SH3RF1: variants seen among roughly 807,000 people sequenced by gnomAD.
SH3RF1 encodes the protein E3 ubiquitin-protein ligase SH3RF1.
A neutral mutation model predicts 74.0 loss-of-function variants in SH3RF1; 32 were observed. That is an observed-to-expected ratio of 0.43 (90% confidence interval 0.33 to 0.58). SH3RF1 has a LOEUF of 0.58. Among genes scored for constraint, SH3RF1 ranks in the 20% least tolerant of loss-of-function variants. The pLI, the probability that SH3RF1 is intolerant of heterozygous loss-of-function variation, is 0.05. For missense variants in SH3RF1, 954 were observed against 1,130.9 expected (o/e 0.84, Z 2.24); for synonymous variants, 396 against 439.6 (o/e 0.90, Z 1.24).
At chr4:169,262,488 G>A (rs1462367751) in intron 2 of SH3RF1, among the ~76,000 whole-genome samples, 2 of 152,226 alleles carry the variant, frequency 1.3e-5, no homozygotes, top group Middle Eastern at 3.4e-3. Flanking sequence ...CCAACATGGT[G>A]AAAACCCACC....
In SH3RF1 at chr4:169,116,125, T is replaced by C. The variant is rs1261466925; in HGVS notation, c.2139+144A>G. ...TCTTCCCCACTCTACTCCTAGCACC[T>C]GGCATAGTGACTCACACGTAGGGAG... is the stretch of plus-strand genomic sequence containing the variant. On this transcript the variant is annotated intron_variant, in intron 10 of 11. Transcript: ENST00000284637. The C allele has an allele frequency of 5.1e-6, 6 of 1,165,950 alleles. No individual in the cohort carries two copies. In the Admixed American group the frequency reaches 1.5e-4, roughly 29 times the overall value. 72.2% of individuals were successfully genotyped at this position (1,165,950 alleles called of 1,614,324 possible). A position where few individuals can be genotyped will look rare whatever the true frequency, so the allele number is the denominator to read the frequency against.
intron 2 of SH3RF1, among the ~76,000 whole-genome samples, chr4:169,195,116 T>C (rs1299858939): frequency 6.6e-6 from 1 of 152,234 alleles, no homozygotes; most frequent in Non-Finnish European, 1.5e-5. Flanking sequence ...TTTGTTGGTA[T>C]CAAAATTTTC....
chr4:169,208,122 C>A (rs1415354647), intron 2 of SH3RF1, among the ~76,000 whole-genome samples: 1 of 151,794 alleles, frequency 6.6e-6, no homozygotes, highest in African/African-American at 2.4e-5. Context: ...AAAGATTGAA[C>A]CCAGAATTGC....
At chr4:169,108,750 G>C (rs28601599) in intron 10 of SH3RF1, among the ~76,000 whole-genome samples, 30,547 of 152,182 alleles carry the variant, frequency 0.2, 3,234 homozygotes, top group African/African-American at 0.27. Context: ...GCATTCTAAT[G>C]AATGTCCTCA....
intron 4 of SH3RF1, among the ~76,000 whole-genome samples, chr4:169,143,020 G>T (rs964902806): frequency 1.3e-5 from 2 of 152,156 alleles, no homozygotes; most frequent in African/African-American, 4.8e-5. Context: ...GATTACTCAA[G>T]AGTCTTTTAA....
chr4:169,226,346 A>C (rs1478200234), intron 2 of SH3RF1, among the ~76,000 whole-genome samples: 1 of 152,246 alleles, frequency 6.6e-6, no homozygotes, highest in Non-Finnish European at 1.5e-5. Flanking sequence ...TTCATAAATC[A>C]AAAGCATTCT....
At chr4:169,256,047 C>T (rs1398876853) in intron 2 of SH3RF1, among the ~76,000 whole-genome samples, 4 of 152,142 alleles carry the variant, frequency 2.6e-5, no homozygotes, top group South Asian at 2.1e-4. Context: ...AGACTATAGG[C>T]GTGAGCCACC....
At chr4:169,213,085 T>A (rs1035259740) in intron 2 of SH3RF1, among the ~76,000 whole-genome samples, 1 of 152,212 alleles carries the variant, frequency 6.6e-6, no homozygotes, top group Non-Finnish European at 1.5e-5. Context: ...AGTAAGAGTA[T>A]GTTTCGTTTT....
chr4:169,121,148 A>C (rs902754373), intron 7 of SH3RF1, among the ~76,000 whole-genome samples, 159 bp from the exon 8 acceptor site: 2 of 152,212 alleles, frequency 1.3e-5, no homozygotes, highest in East Asian at 1.9e-4. Flanking sequence ...TCTCCATTGA[A>C]AGAGGTTTTG....
intron 2 of SH3RF1, among the ~76,000 whole-genome samples, chr4:169,202,240 T>C (rs980506795): frequency 7.9e-5 from 12 of 152,182 alleles, no homozygotes; most frequent in Admixed American, 4.6e-4. Context: ...TGTTAGTGCT[T>C]TGGCCCTAAC....
chr4:169,188,373 T>G (rs1209465921), intron 2 of SH3RF1, among the ~76,000 whole-genome samples: 1 of 152,202 alleles, frequency 6.6e-6, no homozygotes, highest in Non-Finnish European at 1.5e-5. Context: ...AATCTTTACA[T>G]TTCCTTCATC....
At chr4:169,211,287 C>G (rs1445176235) in intron 2 of SH3RF1, among the ~76,000 whole-genome samples, 1 of 152,106 alleles carries the variant, frequency 6.6e-6, no homozygotes, top group South Asian at 2.1e-4. Context: ...TCGAGACCAT[C>G]CTGGCTAACA....
At chr4:169,264,097 T>A (rs1731317516) in intron 2 of SH3RF1, among the ~76,000 whole-genome samples, 2 of 152,190 alleles carry the variant, frequency 1.3e-5, no homozygotes, top group South Asian at 4.2e-4. Flanking sequence ...ACAGTCAGAG[T>A]ACAAGTTGGC....
chr4:169,220,662 A>T (rs1730551030), intron 2 of SH3RF1, among the ~76,000 whole-genome samples: 1 of 149,928 alleles, frequency 6.7e-6, no homozygotes, highest in Non-Finnish European at 1.5e-5. Flanking sequence ...ATTAGCTTTC[A>T]CTGTACTGGA....
intron 4 of SH3RF1, among the ~76,000 whole-genome samples, chr4:169,153,216 C>G (rs765724944): frequency 4.6e-5 from 7 of 152,104 alleles, no homozygotes; most frequent in Admixed American, 6.6e-5. Flanking sequence ...AATCTGAGCT[C>G]CAAACCACTA....
intron 4 of SH3RF1, among the ~76,000 whole-genome samples, chr4:169,140,544 A>G (rs1443432243): frequency 6.6e-6 from 1 of 152,238 alleles, no homozygotes; most frequent in East Asian, 1.9e-4. Flanking sequence ...TCTAAAATGT[A>G]GAAAGAATGT....
intron 4 of SH3RF1, among the ~76,000 whole-genome samples, chr4:169,142,160 T>C (rs1733798462): frequency 1.3e-5 from 2 of 152,056 alleles, no homozygotes; most frequent in South Asian, 4.2e-4. Context: ...TTCACCATAC[T>C]GGTCAGGCTG....
At chr4:169,184,615 T>G (rs1405198877) in intron 2 of SH3RF1, among the ~76,000 whole-genome samples, 1 of 152,186 alleles carries the variant, frequency 6.6e-6, no homozygotes, top group Non-Finnish European at 1.5e-5. Context: ...TAATTAACTA[T>G]GAGCCACTAA....
intron 2 of SH3RF1, among the ~76,000 whole-genome samples, chr4:169,250,630 G>A (rs902492017): frequency 3.3e-5 from 5 of 152,162 alleles, no homozygotes; most frequent in African/African-American, 1.2e-4. Context: ...ATACAGACAG[G>A]AATAAATTTA....
Sources: gnomAD v4.1 joint callset for allele counts (sites outside exome capture counted in the v4.1 genomes callset) on GRCh38, gnomAD v4.1.1 for gene constraint, MANE v1.5 for transcripts, NCBI Gene and HGNC (gene_info 2026-07-23, HGNC 2026-07-21) for gene names.